NRG1: variants seen among roughly 807,000 people sequenced by gnomAD.
NRG1 encodes the protein neuregulin 1, also known as pro-neuregulin-1, membrane-bound isoform.
A neutral mutation model predicts 63.8 loss-of-function variants in NRG1; 18 were observed. The ratio of observed to expected loss-of-function variants is 0.28; its 90% CI spans 0.19 to 0.42. The LOEUF (loss-of-function observed/expected upper bound fraction) is 0.42. Ranked by LOEUF, NRG1 falls within the 10% of genes least tolerant of loss-of-function variation. The pLI is 1.00. For missense variants in NRG1, 762 were observed against 814.7 expected (o/e 0.94, Z 0.79); for synonymous variants, 302 against 301.3 (o/e 1.00, Z -0.02).
intron 1 of NRG1, among the ~76,000 whole-genome samples, chr8:32,555,767 G>T (rs542274630): frequency 1.1e-3 from 169 of 152,296 alleles, no homozygotes; most frequent in African/African-American, 3.8e-3. Context: ...CACCGCGCCC[G>T]GCGGGGCTGA....
At chr8:32,027,458 T>TCCCTCCCTCCC (rs1563696044) in intron 1 of NRG1, among the ~76,000 whole-genome samples, 14 of 62,000 alleles carry the variant, frequency 2.3e-4, no homozygotes, top group African/African-American at 1.0e-3. Context: ...CCTTCCTTCC[T>TCCCTCCCTCCC]TCCTTCCTTC....
intron 3 of NRG1, among the ~76,000 whole-genome samples, chr8:32,611,389 A>G (rs1013278019): frequency 8.5e-5 from 13 of 152,114 alleles, no homozygotes; most frequent in Admixed American, 1.3e-4. Flanking sequence ...AAATTTCACA[A>G]TATTGGGAAA....
intron 1 of NRG1, among the ~76,000 whole-genome samples, chr8:32,210,508 G>A (rs1297828243): frequency 7.9e-5 from 12 of 152,152 alleles, no homozygotes; most frequent in Admixed American, 6.5e-4. Context: ...AACCGCTTTT[G>A]TAACGTGTGA....
intron 1 of NRG1, among the ~76,000 whole-genome samples, chr8:32,073,200 A>G (rs1184023589): frequency 1.3e-5 from 2 of 152,098 alleles, no homozygotes; most frequent in African/African-American, 4.8e-5. Context: ...CTATCTTGTC[A>G]TTACAGCATT....
intron 1 of NRG1, among the ~76,000 whole-genome samples, chr8:31,833,853 C>G (rs1414913658): frequency 6.6e-6 from 1 of 152,128 alleles, no homozygotes; most frequent in Non-Finnish European, 1.5e-5. Context: ...GGGAAACAAG[C>G]TCAAATTTTA....
intron 1 of NRG1, among the ~76,000 whole-genome samples, chr8:31,948,558 A>G (rs1352746715): frequency 1.3e-5 from 2 of 152,168 alleles, no homozygotes; most frequent in Non-Finnish European, 2.9e-5. Flanking sequence ...TTTACTGGAC[A>G]TGTTTATAAT....
intron 1 of NRG1, among the ~76,000 whole-genome samples, chr8:32,342,043 T>C (rs997224132): frequency 3.9e-5 from 6 of 152,178 alleles, no homozygotes; most frequent in Non-Finnish European, 8.8e-5. Flanking sequence ...TTAAAACTAT[T>C]TGTTTTCTCA....
chr8:32,233,537 AT>A lies in NRG1; in HGVS notation c.38-362290del, dbSNP rs1358418226. Among the ~76,000 whole-genome samples the A allele has an allele frequency of 6.6e-3, 241 of 36,630 alleles. 1 individual carries two copies. Among genetic ancestry groups the A allele is most frequent in the African/African-American group, 0.033 (229 of 6,972 alleles). The allele number at this position is 36,630 out of a possible 152,430, so 24.0% of individuals were successfully genotyped here. A position where few individuals can be genotyped will look rare whatever the true frequency, so the allele number is the denominator to read the frequency against. On this transcript the variant is annotated intron_variant, in intron 1 of 10. Coordinates refer to the NRG1 transcript ENST00000519301. ...ACACTGTTGCTCATAACTCGAAAGA[AT>A]ATATATATATATATATATATATATA...
chr8:32,106,580 G>A (rs900045724), intron 1 of NRG1, among the ~76,000 whole-genome samples: 2 of 152,138 alleles, frequency 1.3e-5, no homozygotes, highest in Non-Finnish European at 2.9e-5. Context: ...CATAAAATAT[G>A]TGTTGTCCTG....
intron 1 of NRG1, among the ~76,000 whole-genome samples, chr8:32,220,023 A>C (rs751092623): frequency 6.6e-6 from 1 of 152,206 alleles, no homozygotes; most frequent in East Asian, 1.9e-4. Flanking sequence ...CATGAAGGGC[A>C]ATTCTGGAAG....
chr8:32,724,569 T>C (rs1406757982), intron 5 of NRG1, among the ~76,000 whole-genome samples: 1 of 152,108 alleles, frequency 6.6e-6, no homozygotes, highest in Non-Finnish European at 1.5e-5. Flanking sequence ...TGTGTAAGAC[T>C]GTCAGGGCCC....
At chr8:32,558,457 G>A (rs1014597229) in intron 1 of NRG1, among the ~76,000 whole-genome samples, 1 of 152,082 alleles carries the variant, frequency 6.6e-6, no homozygotes, top group South Asian at 2.1e-4. Flanking sequence ...GAAAAGGAAG[G>A]ACATAACCAT....
rs182730853 is a variant in NRG1 at position 32,068,614 on chromosome 8, A to G, written c.37+429183A>G. Among the ~76,000 whole-genome samples, 9 of 152,226 alleles carry G rather than the reference A, an allele frequency of 5.9e-5. No individual in the cohort carries two copies. The South Asian group carries it at 6.2e-4, about 11-fold the overall frequency. The stretch of plus-strand genomic sequence containing the variant: ...GTTTCTTCGAGAGCCAAGAGTTCCA[A>G]TCTGTGCATGGCATTACCCCTTCTG... On this transcript the variant is annotated intron_variant, in intron 1 of 10. Coordinates refer to the NRG1 transcript ENST00000519301.
At chr8:32,408,060 C>T (rs1814346309) in intron 1 of NRG1, among the ~76,000 whole-genome samples, 1 of 152,156 alleles carries the variant, frequency 6.6e-6, no homozygotes, top group East Asian at 1.9e-4. Flanking sequence ...GCTCCCTGGG[C>T]TCTGAAGCCC....
At chr8:32,722,380 A>T (rs941810723) in intron 5 of NRG1, among the ~76,000 whole-genome samples, 7 of 152,204 alleles carry the variant, frequency 4.6e-5, no homozygotes, top group African/African-American at 1.7e-4. Flanking sequence ...GGAAAACACC[A>T]CTTAAAACAA....
chr8:31,716,262 A>G (rs776444347), intron 1 of NRG1, among the ~76,000 whole-genome samples: 1 of 151,978 alleles, frequency 6.6e-6, no homozygotes, highest in Non-Finnish European at 1.5e-5. Context: ...TGTTTTTTGT[A>G]TTTTGTTTAG....
intron 1 of NRG1, among the ~76,000 whole-genome samples, chr8:31,661,958 G>C (rs922280846): frequency 5.9e-5 from 9 of 152,120 alleles, no homozygotes; most frequent in Admixed American, 3.3e-4. Flanking sequence ...TCTCTTAAAG[G>C]CCATCTTTTC....
intron 1 of NRG1, among the ~76,000 whole-genome samples, chr8:31,646,628 T>C (rs1340791913): frequency 2.6e-5 from 4 of 152,246 alleles, no homozygotes; most frequent in Non-Finnish European, 2.9e-5. Context: ...CTACCACTTA[T>C]GGAGTTGGTA....
At chr8:32,539,112 G>A (rs1396361964) in intron 1 of NRG1, among the ~76,000 whole-genome samples, 1 of 152,176 alleles carries the variant, frequency 6.6e-6, no homozygotes, top group Admixed American at 6.5e-5. Context: ...AGTGTGGCCA[G>A]GGTGCCCACA....
Sources: allele counts gnomAD v4.1 joint callset (sites outside exome capture counted in the v4.1 genomes callset), GRCh38; gene constraint gnomAD v4.1.1; transcripts MANE v1.5; gene names NCBI Gene and HGNC (gene_info 2026-07-23, HGNC 2026-07-21).